Variants in CLDN10 observed in about 807,000 individuals in gnomAD.
CLDN10 encodes the protein claudin 10.
In CLDN10, 15 loss-of-function variants were observed where a neutral mutation model predicts 22.9. The ratio of observed to expected loss-of-function variants is 0.65; its 90% CI spans 0.44 to 1.01. The LOEUF (loss-of-function observed/expected upper bound fraction) is 1.01, where lower values mean the gene tolerates loss of function less well. Ranked by LOEUF, CLDN10 falls within the 50% of genes least tolerant of loss-of-function variation. CLDN10 has a pLI of 0.00. For synonymous variants in CLDN10, 114 were observed against 111.4 expected (o/e 1.02, Z -0.15); for missense variants, 247 against 287.8 (o/e 0.86, Z 1.03).
chr13:95,549,343 C>T (rs112859023), upstream of CLDN10, among the ~76,000 whole-genome samples: 1,257 of 152,304 alleles, frequency 8.3e-3, 23 homozygotes, highest in African/African-American at 0.029. Context: ...ATTTATCAGT[C>T]GAAAGTACTC....
In CLDN10 at chr13:95,560,201, C is replaced by A; in HGVS notation, c.290C>A (p.Ala97Glu). Reference protein sequence around the residue: ...VSLGFFGSIFALFGMKCTKVG... With the variant: ...VSLGFFGSIFELFGMKCTKVG... ...CTGGGCTTCTTTGGTTCCATATTTG[C>A]GCTCTTTGGAATGAAGTGTACCAAA... Residue 97 changes from alanine to glutamate, a missense_variant, in exon 2 of 5, where the codon GCG becomes GAG. Ala to Glu is a moderately radical substitution (Grantham distance 107, BLOSUM62 -1). Coordinates refer to ENST00000299339, the MANE Select transcript of CLDN10 (RefSeq NM_006984.5). The A allele has an allele frequency of 6.2e-7, 1 of 1,614,122 alleles. No homozygotes were observed. Among genetic ancestry groups the A allele is most frequent in the Non-Finnish European group, 8.5e-7 (1 of 1,179,984 alleles).
chr13:95,492,587 T>A (rs1477846227), intron 1 of CLDN10, among the ~76,000 whole-genome samples: 1 of 152,150 alleles, frequency 6.6e-6, no homozygotes, highest in Non-Finnish European at 1.5e-5. Flanking sequence ...CCAAGGCTTT[T>A]TCCCTTCCAG....
upstream of CLDN10, chr13:95,552,632 C>T (rs2043579015): frequency 1.7e-6 from 2 of 1,202,494 alleles, no homozygotes; most frequent in Admixed American, 4.0e-5. Context: ...GTCCGCTGGG[C>T]GGGGTGGTGG....
chr13:95,547,679 C>A (rs2043523654), intron 1 of CLDN10, among the ~76,000 whole-genome samples: 1 of 152,188 alleles, frequency 6.6e-6, no homozygotes, highest in South Asian at 2.1e-4. Context: ...AGAATTTTAT[C>A]TCACATCTTT....
chr13:95,517,595 A>T (rs2043182821), intron 1 of CLDN10, among the ~76,000 whole-genome samples: 1 of 152,186 alleles, frequency 6.6e-6, no homozygotes, highest in Non-Finnish European at 1.5e-5. Context: ...ACATGCAGGG[A>T]GAATTTCCTG....
At chr13:95,477,559 G>C (rs1300345965) in intron 1 of CLDN10, among the ~76,000 whole-genome samples, 1 of 152,226 alleles carries the variant, frequency 6.6e-6, no homozygotes, top group Non-Finnish European at 1.5e-5. Flanking sequence ...ACGCGGGGCA[G>C]ATGTTAAAGC....
intron 1 of CLDN10, among the ~76,000 whole-genome samples, chr13:95,449,969 C>T (rs938577999): frequency 2.6e-5 from 4 of 151,800 alleles, no homozygotes; most frequent in Non-Finnish European, 1.5e-5. Flanking sequence ...GGTCTCAATC[C>T]CCTGACCTTG....
intron 1 of CLDN10, among the ~76,000 whole-genome samples, chr13:95,448,656 G>A (rs909482969): frequency 2.0e-5 from 3 of 152,156 alleles, no homozygotes; most frequent in African/African-American, 7.2e-5. Context: ...GCCTCTCATA[G>A]GCCTATGGGG....
At chr13:95,569,438 G>A (rs2043826449) in intron 3 of CLDN10, among the ~76,000 whole-genome samples, 1 of 152,014 alleles carries the variant, frequency 6.6e-6, no homozygotes, top group Admixed American at 6.5e-5. Flanking sequence ...ACAAAAATGA[G>A]CTGGGTGTGG....
Position 95,577,939 on chromosome 13 carries a change from G to A in CLDN10, c.612G>A (p.Arg204=). The A allele has an allele frequency of 6.2e-7, 1 of 1,613,798 alleles. No individual in the cohort carries two copies. The highest frequency in any genetic ancestry group is 8.5e-7 in the Non-Finnish European group (1 of 1,179,780). Reference sequence around the variant, plus strand: ...GGGCCACATCTGTCATGTCTTCTCGGACAAAGTATCATGGTGGAGAAGATT... The same window carrying A: ...GGGCCACATCTGTCATGTCTTCTCGAACAAAGTATCATGGTGGAGAAGATT... The part of the protein sequence containing the change: ...YNGATSVMSS[R]TKYHGGEDFK... Residue 204 remains arginine, a synonymous_variant, in exon 5 of 5, where the codon CGG becomes CGA. Transcript: ENST00000299339.
At chr13:95,449,749 TTTTTTTC>T (rs1371474612) in intron 1 of CLDN10, among the ~76,000 whole-genome samples, 11 of 149,696 alleles carry the variant, frequency 7.3e-5, no homozygotes, top group Admixed American at 4.0e-4. Flanking sequence ...ATTTTTTTTT[TTTTTTTC>T]TTTTTGAGGC....
At chr13:95,486,988 G>A (rs776926671) in intron 1 of CLDN10, among the ~76,000 whole-genome samples, 10 of 152,286 alleles carry the variant, frequency 6.6e-5, no homozygotes, top group Non-Finnish European at 1.5e-4. Context: ...TGCTGTTGTC[G>A]CTGTGCTATC....
intron 1 of CLDN10, among the ~76,000 whole-genome samples, chr13:95,555,316 G>A (rs939068305): frequency 5.9e-5 from 9 of 152,160 alleles, no homozygotes; most frequent in African/African-American, 1.9e-4. Flanking sequence ...CCAAAGTGCC[G>A]GGATTACAGG....
At chr13:95,507,256 G>A (rs994320785) in intron 1 of CLDN10, among the ~76,000 whole-genome samples, 1 of 152,040 alleles carries the variant, frequency 6.6e-6, no homozygotes, top group Non-Finnish European at 1.5e-5. Context: ...TTAAGGCTCG[G>A]GTAAATTCTA....
chr13:95,551,586 G>A (rs723575), upstream of CLDN10, among the ~76,000 whole-genome samples: 96,397 of 152,048 alleles, frequency 0.63, 30,871 homozygotes, highest in Non-Finnish European at 0.69. Flanking sequence ...GAGTGTTTCT[G>A]CCTAAAGATA....
At chr13:95,499,017 C>G (rs1594566210) in intron 1 of CLDN10, among the ~76,000 whole-genome samples, 1 of 152,288 alleles carries the variant, frequency 6.6e-6, no homozygotes, top group African/African-American at 2.4e-5. Flanking sequence ...GGCATAATGT[C>G]TTCAATTTTC....
intron 1 of CLDN10, among the ~76,000 whole-genome samples, chr13:95,547,399 T>C (rs2043521088): frequency 6.6e-6 from 1 of 152,206 alleles, no homozygotes; most frequent in Non-Finnish European, 1.5e-5. Flanking sequence ...TTCAGCCTTA[T>C]TCACTTACTG....
At chr13:95,458,113 G>A (rs1461555785) in intron 1 of CLDN10, among the ~76,000 whole-genome samples, 1 of 152,270 alleles carries the variant, frequency 6.6e-6, no homozygotes, top group East Asian at 1.9e-4. Context: ...CAGTAGGCTT[G>A]CCTGAGCATA....
chr13:95,577,687 A>G (rs562233524), intron 4 of CLDN10, among the ~76,000 whole-genome samples: 1 of 152,310 alleles, frequency 6.6e-6, no homozygotes, highest in East Asian at 1.9e-4. Flanking sequence ...TGAACAAATG[A>G]CCAAGTCATG....
Sources: allele counts gnomAD v4.1 joint callset (sites outside exome capture counted in the v4.1 genomes callset), GRCh38; gene constraint gnomAD v4.1.1; transcripts MANE v1.5; gene names NCBI Gene and HGNC (gene_info 2026-07-23, HGNC 2026-07-21).